SYT2: variants seen among roughly 807,000 people sequenced by gnomAD.
The protein encoded by SYT2 is synaptotagmin-2.
A neutral mutation model predicts 39.9 loss-of-function variants in SYT2; 15 were observed. The ratio of observed to expected loss-of-function variants is 0.38; its 90% CI spans 0.25 to 0.58. The LOEUF (loss-of-function observed/expected upper bound fraction) is 0.58, where lower values mean the gene tolerates loss of function less well. Among genes scored for constraint, SYT2 ranks in the 20% least tolerant of loss-of-function variants. SYT2 has a pLI of 0.70. For missense variants in SYT2, 389 were observed against 530.3 expected (o/e 0.73, Z 2.62); for synonymous variants, 181 against 204.5 (o/e 0.89, Z 0.98).
chr1:202,596,507 G>T lies in SYT2; in HGVS notation c.*250C>A. ...AAAGAGTCGAGGGAACTGTGACAGG[G>T]CATGCAGCAAGGACAGCTCCTGGGA... On this transcript the variant is annotated 3_prime_UTR_variant, in exon 9 of 9. Coordinates refer to ENST00000367268, the MANE Select transcript of SYT2 (RefSeq NM_177402.5). 1 of 426,590 alleles carries T rather than the reference G, an allele frequency of 2.3e-6. No homozygotes were observed. The highest frequency in any genetic ancestry group is 4.2e-6 in the Non-Finnish European group (1 of 238,026). The allele number at this position is 426,590 out of a possible 1,614,324, so 26.4% of individuals were successfully genotyped here.
At chr1:202,648,852 A>T (rs1232879511) in intron 1 of SYT2, among the ~76,000 whole-genome samples, 1 of 152,258 alleles carries the variant, frequency 6.6e-6, no homozygotes, top group African/African-American at 2.4e-5. Flanking sequence ...GAGGTCAGAC[A>T]GAGAGACCCT....
intron 1 of SYT2, among the ~76,000 whole-genome samples, chr1:202,609,857 G>A (rs922501810): frequency 4.6e-5 from 7 of 152,144 alleles, no homozygotes; most frequent in African/African-American, 1.4e-4. Flanking sequence ...TCTGATGGTA[G>A]TGTCTTTTGC....
At chr1:202,644,574 C>A (rs370909076) in intron 1 of SYT2, among the ~76,000 whole-genome samples, 69 of 152,246 alleles carry the variant, frequency 4.5e-4, no homozygotes, top group African/African-American at 1.6e-3. Context: ...CTCGCCCTCT[C>A]CCCTCAGCCT....
At chr1:202,685,693 C>T (rs911658637) in intron 1 of SYT2, among the ~76,000 whole-genome samples, 2 of 152,108 alleles carry the variant, frequency 1.3e-5, no homozygotes, top group African/African-American at 4.8e-5. Context: ...CTTTTTAATG[C>T]TGGGTTGCAA....
chr1:202,695,497 T>C (rs1281221792), intron 1 of SYT2, among the ~76,000 whole-genome samples: 1 of 152,172 alleles, frequency 6.6e-6, no homozygotes, highest in Admixed American at 6.5e-5. Flanking sequence ...CTAATACACT[T>C]CTCAGAGCCA....
chr1:202,698,287 G>A (rs1654025567), intron 1 of SYT2, among the ~76,000 whole-genome samples: 1 of 152,128 alleles, frequency 6.6e-6, no homozygotes, highest in Admixed American at 6.5e-5. Context: ...TGGCCAAGCT[G>A]GAGAAGGAGC....
intron 1 of SYT2, among the ~76,000 whole-genome samples, chr1:202,620,464 T>C (rs1393916585): frequency 1.3e-5 from 2 of 149,814 alleles, no homozygotes; most frequent in African/African-American, 4.9e-5. Flanking sequence ...CTTTATCTTA[T>C]CCTTTTTTTT....
At chr1:202,703,619 G>C (rs1456245363) in intron 1 of SYT2, among the ~76,000 whole-genome samples, 1 of 152,114 alleles carries the variant, frequency 6.6e-6, no homozygotes, top group Admixed American at 6.5e-5. Flanking sequence ...TCCTACCTGA[G>C]CTAAAGAAGC....
intron 1 of SYT2, among the ~76,000 whole-genome samples, chr1:202,663,750 A>G (rs1692430471): frequency 6.6e-6 from 1 of 152,128 alleles, no homozygotes; most frequent in Non-Finnish European, 1.5e-5. Context: ...CCTCTGCTTG[A>G]GCTGCAGGGC....
At chr1:202,673,468 T>C (rs541257905) in intron 1 of SYT2, among the ~76,000 whole-genome samples, 12 of 152,242 alleles carry the variant, frequency 7.9e-5, no homozygotes, top group Admixed American at 2.6e-4. Flanking sequence ...TCTGAAAAGT[T>C]TGGAGTGAGT....
At chr1:202,618,059 G>A (rs1297740651) in intron 1 of SYT2, among the ~76,000 whole-genome samples, 6 of 152,070 alleles carry the variant, frequency 3.9e-5, no homozygotes, top group African/African-American at 7.2e-5. Flanking sequence ...CCCACCACAC[G>A]CCTGGCTAAT....
At position 202,603,096 on chromosome 1, in the gene SYT2, C is replaced by T; in HGVS notation, c.368G>A (p.Gly123Asp). The T allele has an allele frequency of 1.2e-6, 2 of 1,614,134 alleles. No homozygotes were observed. The highest frequency in any genetic ancestry group is 1.7e-6 in the Non-Finnish European group (2 of 1,180,006). ...GGQDDDDAET[G>D]LTEGEGEGEE... is the part of the protein sequence containing the mutation. Reference sequence around the variant, plus strand: ...CCCTTCACCTTCCCCCTCAGTCAGGCCTGTCTCTGCGTCGTCGTCATCCTG... The same window carrying T: ...CCCTTCACCTTCCCCCTCAGTCAGGTCTGTCTCTGCGTCGTCGTCATCCTG... Residue 123 changes from glycine (G) to aspartate (D), a missense_variant, in exon 4 of 9, where the codon GGC becomes GAC. Gly to Asp is a moderately conservative substitution (Grantham distance 94, BLOSUM62 -1). Coordinates refer to ENST00000367268, the MANE Select transcript of SYT2 (RefSeq NM_177402.5).
chr1:202,656,864 C>T (rs1692287570), intron 1 of SYT2, among the ~76,000 whole-genome samples: 2 of 152,148 alleles, frequency 1.3e-5, no homozygotes, highest in Admixed American at 6.5e-5. Flanking sequence ...AGTGGACTTC[C>T]TATCTTGAAC....
chr1:202,600,728 G>T (rs547612799), intron 6 of SYT2, among the ~76,000 whole-genome samples: 1 of 152,192 alleles, frequency 6.6e-6, no homozygotes, highest in Admixed American at 6.5e-5. Context: ...TGACAGATGA[G>T]GGGGGTAGAG....
At chr1:202,691,404 T>C (rs999088592) in intron 1 of SYT2, among the ~76,000 whole-genome samples, 2 of 151,906 alleles carry the variant, frequency 1.3e-5, no homozygotes, top group Non-Finnish European at 2.9e-5. Flanking sequence ...TCCCAGCACT[T>C]TGGGATGCCA....
chr1:202,594,897 T>C lies in SYT2; in HGVS notation c.*1860A>G, dbSNP rs1490664561. 1 of 152,080 alleles carries C rather than the reference T, an allele frequency of 6.6e-6. No homozygotes were observed. Among genetic ancestry groups the C allele is most frequent in the Non-Finnish European group, 1.5e-5 (1 of 68,028 alleles). 9.4% of individuals were successfully genotyped at this position (152,080 alleles called of 1,614,324 possible). A position where few individuals can be genotyped will look rare whatever the true frequency, so the allele number is the denominator to read the frequency against. On this transcript the variant is annotated 3_prime_UTR_variant, in exon 9 of 9. Coordinates refer to ENST00000367268, the MANE Select transcript of SYT2 (RefSeq NM_177402.5). Reference sequence around the variant, plus strand: ...CCCCTTCCCCCTTTTTAAAATAAAATAAAAAGACACTCTGCAACTTCTTCA... The same window carrying C: ...CCCCTTCCCCCTTTTTAAAATAAAACAAAAAGACACTCTGCAACTTCTTCA...
chr1:202,686,732 G>T (rs531578355), intron 1 of SYT2, among the ~76,000 whole-genome samples: 1 of 152,216 alleles, frequency 6.6e-6, no homozygotes, highest in African/African-American at 2.4e-5. Flanking sequence ...CTAGCTCTCT[G>T]CCTCTTCCAA....
intron 1 of SYT2, among the ~76,000 whole-genome samples, chr1:202,615,447 A>G (rs1013189606): frequency 2.6e-5 from 4 of 152,020 alleles, no homozygotes; most frequent in African/African-American, 7.2e-5. Context: ...GGTGTCTGCA[A>G]ACTCATCAAC....
chr1:202,620,455 TTTATC>T (rs905247750), intron 1 of SYT2, among the ~76,000 whole-genome samples: 3 of 151,398 alleles, frequency 2.0e-5, no homozygotes, highest in Non-Finnish European at 4.4e-5. Context: ...TGGCTTATCC[TTTATC>T]TTATCCTTTT....
Sources: gnomAD v4.1 joint callset for allele counts (sites outside exome capture counted in the v4.1 genomes callset) on GRCh38, gnomAD v4.1.1 for gene constraint, MANE v1.5 for transcripts, NCBI Gene and HGNC (gene_info 2026-07-23, HGNC 2026-07-21) for gene names.